ADGRL2: variants seen among roughly 807,000 people sequenced by gnomAD.
ADGRL2 encodes calcium-independent alpha-latrotoxin receptor 2.
Under a neutral mutation model 157.4 loss-of-function variants are expected in ADGRL2, and 44 were observed. That is an observed-to-expected ratio of 0.28 (90% CI 0.22 to 0.36). The LOEUF (loss-of-function observed/expected upper bound fraction) is 0.36. Ranked by LOEUF, ADGRL2 falls within the 10% of genes least tolerant of loss-of-function variation. The pLI, the probability that ADGRL2 is intolerant of heterozygous loss-of-function variation, is 1.00. For synonymous variants in ADGRL2, 585 were observed against 624.7 expected (o/e 0.94, Z 0.95); for missense variants, 1,510 against 1,768.9 (o/e 0.85, Z 2.63).
intron 2 of ADGRL2, among the ~76,000 whole-genome samples, chr1:81,841,766 C>T (rs906163996): frequency 1.3e-5 from 2 of 152,138 alleles, no homozygotes; most frequent in African/African-American, 4.8e-5. Context: ...TCTTCAAGTG[C>T]CTGAACAATG....
intron 1 of ADGRL2, among the ~76,000 whole-genome samples, chr1:81,326,367 G>A (rs1660901456): frequency 6.6e-6 from 1 of 152,244 alleles, no homozygotes; most frequent in South Asian, 2.1e-4. Flanking sequence ...GTTAAGACTA[G>A]GGCAGTGACT....
intron 1 of ADGRL2, among the ~76,000 whole-genome samples, chr1:81,758,579 G>C (rs1571099432): frequency 6.6e-6 from 1 of 152,144 alleles, no homozygotes; most frequent in East Asian, 1.9e-4. Context: ...TAAAGCATTG[G>C]TATTTGAAAA....
At chr1:81,677,435 A>T (rs1439061168) in intron 3 of ADGRL2, among the ~76,000 whole-genome samples, 1 of 152,196 alleles carries the variant, frequency 6.6e-6, no homozygotes, top group East Asian at 1.9e-4. Context: ...CTATGGTAAG[A>T]TTCGAATAAA....
intron 2 of ADGRL2, among the ~76,000 whole-genome samples, chr1:81,451,753 T>C (rs1180357657): frequency 6.6e-6 from 1 of 152,190 alleles, no homozygotes; most frequent in Non-Finnish European, 1.5e-5. Flanking sequence ...TGCAGTCTTA[T>C]ACACAACTCT....
At chr1:81,489,213 G>T (rs1197489835) in intron 2 of ADGRL2, among the ~76,000 whole-genome samples, 1 of 150,876 alleles carries the variant, frequency 6.6e-6, no homozygotes, top group Non-Finnish European at 1.5e-5. Flanking sequence ...CTCCAGCGTG[G>T]GTGACAGAGG....
chr1:81,584,489 A>T (rs1368867856), intron 3 of ADGRL2, among the ~76,000 whole-genome samples: 3 of 152,108 alleles, frequency 2.0e-5, no homozygotes, highest in Non-Finnish European at 4.4e-5. Context: ...ATTTTGTTGG[A>T]TTTGTCTAAT....
At chr1:81,665,930 T>A (rs1463639466) in intron 3 of ADGRL2, among the ~76,000 whole-genome samples, 1 of 152,158 alleles carries the variant, frequency 6.6e-6, no homozygotes, top group Non-Finnish European at 1.5e-5. Flanking sequence ...TTCTCGTGAA[T>A]GAGCTCAGCT....
rs746745052 is a variant in ADGRL2, at chr1:81,951,014, G to T, written c.1505-4G>T. Reference sequence around the variant, plus strand: ...TTCACTGTTGTTTTCTACATCTGTTGTAGGAACTGCCTCATATCTCTGCAT... The same window carrying T: ...TTCACTGTTGTTTTCTACATCTGTTTTAGGAACTGCCTCATATCTCTGCAT... On this transcript the variant is annotated splice_region_variant and splice_polypyrimidine_tract_variant and intron_variant, in intron 7 of 23. Transcript: ENST00000686636. 32 of 1,599,448 alleles carry T rather than the reference G, an allele frequency of 2.0e-5. 1 individual carries two copies. Among genetic ancestry groups the T allele is most frequent in the Admixed American group, 1.3e-4 (8 of 59,760 alleles).
chr1:81,797,824 T>A (rs971397222), upstream of ADGRL2, among the ~76,000 whole-genome samples: 5 of 152,188 alleles, frequency 3.3e-5, no homozygotes, highest in Non-Finnish European at 5.9e-5. Flanking sequence ...GGAAAAAACA[T>A]GTATGGTTAA....
intron 1 of ADGRL2, among the ~76,000 whole-genome samples, chr1:81,429,848 A>G (rs2077287228): frequency 6.6e-6 from 1 of 152,146 alleles, no homozygotes; most frequent in South Asian, 2.1e-4. Context: ...CCATGACCTC[A>G]TGAGCTTTAT....
At chr1:81,895,549 C>T (rs1436019466) in intron 2 of ADGRL2, among the ~76,000 whole-genome samples, 1 of 151,822 alleles carries the variant, frequency 6.6e-6, no homozygotes, top group Non-Finnish European at 1.5e-5. Context: ...TAGGTGCCCA[C>T]AGCTAGCTAA....
At chr1:81,502,032 G>A (rs2078864159) in intron 2 of ADGRL2, 36 of 1,602,666 alleles carry the variant, frequency 2.2e-5, no homozygotes, top group Non-Finnish European at 3.0e-5. Context: ...GTGTTTGAAC[G>A]GGGCAACATG....
intron 3 of ADGRL2, among the ~76,000 whole-genome samples, chr1:81,688,104 C>A (rs914852168): frequency 7.2e-5 from 11 of 152,132 alleles, no homozygotes; most frequent in African/African-American, 2.7e-4. Flanking sequence ...TCTTAAGATT[C>A]TTTCCTTTGT....
chr1:81,554,293 G>A (rs2080219485), intron 2 of ADGRL2, among the ~76,000 whole-genome samples: 1 of 152,158 alleles, frequency 6.6e-6, no homozygotes, highest in Non-Finnish European at 1.5e-5. Flanking sequence ...TATTGGCAGA[G>A]TGCCACTTGT....
intron 1 of ADGRL2, among the ~76,000 whole-genome samples, chr1:81,735,960 T>C (rs768502294): frequency 1.1e-4 from 17 of 151,446 alleles, no homozygotes; most frequent in Non-Finnish European, 2.1e-4. Flanking sequence ...CTGACTAACA[T>C]GGTGAAACCC....
chr1:81,397,324 T>G, intron 1 of ADGRL2, among the ~76,000 whole-genome samples: 1 of 138,310 alleles, frequency 7.2e-6, no homozygotes, highest in African/African-American at 2.7e-5. Flanking sequence ...TTTTTTTTTT[T>G]TTTTTTTTTT....
At chr1:81,722,124 C>G in intron 1 of ADGRL2, 2 of 362,390 alleles carry the variant, frequency 5.5e-6, no homozygotes, top group South Asian at 4.4e-5. Flanking sequence ...AACCCCGTCT[C>G]TACTAAAAAA....
intron 2 of ADGRL2, among the ~76,000 whole-genome samples, chr1:81,546,458 T>C (rs1007758438): frequency 1.3e-5 from 2 of 152,196 alleles, no homozygotes; most frequent in African/African-American, 4.8e-5. Context: ...CTGGTGTGAA[T>C]AAAGACAGAA....
rs533657932 is a variant in ADGRL2 at position 81,641,401 on chromosome 1, C to G, written c.-143+60421C>G. On this transcript the variant is annotated intron_variant, in intron 3 of 24. Coordinates refer to the ADGRL2 transcript ENST00000370721. ...TCTCAAACTCACATTGGAATATTCA[C>G]CAACAGAGACCACATTCTGGGTCAT... Among the ~76,000 whole-genome samples, 3 of 152,252 alleles carry G rather than the reference C, an allele frequency of 2.0e-5. No individual in the cohort carries two copies. In the East Asian group the frequency reaches 5.8e-4, roughly 29 times the overall value.
Sources: allele counts gnomAD v4.1 joint callset (sites outside exome capture counted in the v4.1 genomes callset), GRCh38; gene constraint gnomAD v4.1.1; transcripts MANE v1.5; gene names NCBI Gene and HGNC (gene_info 2026-07-23, HGNC 2026-07-21).